The following EYA1 variants were observed in gnomAD, a reference collection of about 807,000 sequenced individuals.
EYA1 encodes protein phosphatase EYA1.
A neutral mutation model predicts 82.0 loss-of-function variants in EYA1; 16 were observed. The ratio of observed to expected loss-of-function variants is 0.20; its 90% CI spans 0.13 to 0.30. The LOEUF is 0.30. Ranked by LOEUF, EYA1 falls within the 10% of genes least tolerant of loss-of-function variation. The probability of loss-of-function intolerance (pLI) is 1.00; values close to 1 mark genes in which losing one functional copy is unlikely to be tolerated. For synonymous variants in EYA1, 261 were observed against 264.4 expected, an observed-to-expected ratio of 0.99 and a Z score of 0.12; for missense variants, 633 against 730.7, an observed-to-expected ratio of 0.87 and a Z score of 1.54.
chr8:71,333,413 G>A (rs1184797412), intron 4 of EYA1, among the ~76,000 whole-genome samples: 1 of 151,902 alleles, frequency 6.6e-6, no homozygotes, highest in Admixed American at 6.6e-5. Context: ...TTAAAAAAAA[G>A]TCAAAATTCT....
chr8:71,463,276 G>A (rs923995510), intron 2 of EYA1, among the ~76,000 whole-genome samples: 12 of 152,178 alleles, frequency 7.9e-5, no homozygotes, highest in African/African-American at 2.9e-4. Context: ...CCAAAGTGAT[G>A]TTCTGTGGTA....
chr8:71,237,454 TTTGA>T (rs1263515191), intron 12 of EYA1, among the ~76,000 whole-genome samples: 5 of 152,364 alleles, frequency 3.3e-5, no homozygotes, highest in African/African-American at 1.2e-4. Flanking sequence ...ATCTTAGTTC[TTTGA>T]TTGGTTATAT....
At chr8:71,266,304 T>C (rs1474049004) in intron 11 of EYA1, among the ~76,000 whole-genome samples, 2 of 152,178 alleles carry the variant, frequency 1.3e-5, no homozygotes, top group African/African-American at 2.4e-5. Flanking sequence ...TTTAAGACTT[T>C]TCTCCTCAGT....
At chr8:71,401,707 C>G (rs190678584) in intron 2 of EYA1, among the ~76,000 whole-genome samples, 5 of 152,256 alleles carry the variant, frequency 3.3e-5, no homozygotes, top group African/African-American at 9.6e-5. Flanking sequence ...TAAGATTATC[C>G]TAAAGTTGGA....
intron 9 of EYA1, among the ~76,000 whole-genome samples, chr8:71,285,977 A>G (rs1388038797): frequency 2.0e-5 from 3 of 152,220 alleles, no homozygotes; most frequent in Non-Finnish European, 2.9e-5. Context: ...TTAAAAAATG[A>G]ATGAGTACCT....
chr8:71,527,376 G>A lies in EYA1; in HGVS notation c.33+8368C>T, dbSNP rs138079330. Among the ~76,000 whole-genome samples, 723 of 152,258 alleles carry A rather than the reference G, an allele frequency of 4.7e-3. 5 individuals carry two copies. The highest frequency in any genetic ancestry group is 7.3e-3 in the Admixed American group (112 of 15,290). On this transcript the variant is annotated intron_variant, in intron 2 of 18. Transcript: ENST00000643681. The stretch of plus-strand genomic sequence containing the variant: ...ATCCTATACAGTAAGGACACCAGTC[G>A]AATCATACTGTGTTAAAATTAGAAG...
At chr8:71,291,475 G>A (rs373427566) in intron 9 of EYA1, among the ~76,000 whole-genome samples, 1 of 152,134 alleles carries the variant, frequency 6.6e-6, no homozygotes, top group South Asian at 2.1e-4. Flanking sequence ...ATCAGCACAC[G>A]TGAAGGTAGA....
At chr8:71,324,875 T>C (rs1822978128) in intron 4 of EYA1, among the ~76,000 whole-genome samples, 1 of 152,178 alleles carries the variant, frequency 6.6e-6, no homozygotes, top group South Asian at 2.1e-4. Flanking sequence ...AGGATCCCTG[T>C]CCTGGTTTAG....
chr8:71,546,511 ATTTTTT>A (rs35757925), intron 1 of EYA1, among the ~76,000 whole-genome samples: 1 of 138,534 alleles, frequency 7.2e-6, no homozygotes, highest in African/African-American at 2.7e-5. Context: ...ACTGATTCTT[ATTTTTT>A]TTTTTTTTTT....
chr8:71,467,354 T>C (rs1808857100), intron 2 of EYA1, among the ~76,000 whole-genome samples: 1 of 152,164 alleles, frequency 6.6e-6, no homozygotes, highest in South Asian at 2.1e-4. Flanking sequence ...AACTAGGGCA[T>C]TGTTGCAGAG....
chr8:71,448,025 T>TTTTTTTTTTTTTTAGGTAACAGAG (rs935912194), intron 2 of EYA1, among the ~76,000 whole-genome samples: 1 of 116,736 alleles, frequency 8.6e-6, no homozygotes, highest in Non-Finnish European at 1.7e-5. Flanking sequence ...TTTTTTTTTT[T>TTTTTTTTTTTTTTAGGTAACAGAG]TCTCGCTCCG....
chr8:71,530,965 A>G (rs1586896408), intron 2 of EYA1: 3 of 152,330 alleles, frequency 2.0e-5, no homozygotes, highest in Admixed American at 2.0e-4. Flanking sequence ...TAAGTTAAGT[A>G]TCTACCATTT....
Position 71,488,285 on chromosome 8 carries a change from A to G in EYA1, c.33+47459T>C, listed in dbSNP as rs550189197. ...TATAAAGGATAAAAAATAAGGATAT[A>G]GGATATAAAGGATAAATGATATAAA... On this transcript the variant is annotated intron_variant, in intron 2 of 18. Coordinates refer to the EYA1 transcript ENST00000643681. Among the ~76,000 whole-genome samples, 170 of 152,122 alleles carry G rather than the reference A, an allele frequency of 1.1e-3. 2 individuals are homozygous for G. In the South Asian group the frequency reaches 0.034, roughly 31 times the overall value.
chr8:71,450,259 C>T (rs1184886694), intron 2 of EYA1, among the ~76,000 whole-genome samples: 1 of 152,214 alleles, frequency 6.6e-6, no homozygotes, highest in Non-Finnish European at 1.5e-5. Context: ...ACATGCTTTC[C>T]TCATTAAGCT....
At chr8:71,397,688 G>A (rs1023978178) in intron 2 of EYA1, among the ~76,000 whole-genome samples, 9 of 152,184 alleles carry the variant, frequency 5.9e-5, no homozygotes, top group Non-Finnish European at 1.2e-4. Flanking sequence ...CCCTTTGTGA[G>A]TAACCCAACC....
At chr8:71,457,914 T>A (rs1808076517) in intron 2 of EYA1, among the ~76,000 whole-genome samples, 1 of 152,186 alleles carries the variant, frequency 6.6e-6, no homozygotes, top group Admixed American at 6.5e-5. Flanking sequence ...GCATTAAGGC[T>A]ACTTTATGTT....
chr8:71,269,951 A>G (rs1224887061), intron 10 of EYA1, 128 bp from the exon 11 acceptor site: 1 of 745,438 alleles, frequency 1.3e-6, no homozygotes, highest in East Asian at 2.6e-5. Context: ...ATTATTTCAA[A>G]AAAAACACAA....
intron 2 of EYA1, among the ~76,000 whole-genome samples, chr8:71,489,422 G>T (rs531707569): frequency 6.6e-6 from 1 of 151,972 alleles, no homozygotes; most frequent in East Asian, 1.9e-4. Context: ...AAAACATAAA[G>T]AATCAATAGA....
intron 16 of EYA1, among the ~76,000 whole-genome samples, chr8:71,214,012 A>C (rs62507624): frequency 0.063 from 9,641 of 152,312 alleles, 371 homozygotes; most frequent in Middle Eastern, 0.1. Flanking sequence ...ACAAATAATT[A>C]TAAAAGTCAG....
Sources: allele counts gnomAD v4.1 joint callset (sites outside exome capture counted in the v4.1 genomes callset), GRCh38; gene constraint gnomAD v4.1.1; transcripts MANE v1.5; gene names NCBI Gene and HGNC (gene_info 2026-07-23, HGNC 2026-07-21).